PRDM15: variants seen among roughly 807,000 people sequenced by gnomAD.
The protein encoded by PRDM15 is PR/SET domain 15.
PRDM15 carries 64 observed loss-of-function variants against 128.6 expected under a neutral mutation model. That is an observed-to-expected ratio of 0.50 (90% CI 0.41 to 0.61). The LOEUF (loss-of-function observed/expected upper bound fraction) is 0.61, where lower values mean the gene tolerates loss of function less well. Ranked by LOEUF, PRDM15 falls within the 20% of genes least tolerant of loss-of-function variation. The pLI is 0.00. For synonymous variants in PRDM15, 615 were observed against 621.8 expected, an observed-to-expected ratio of 0.99 and a Z score of 0.16; for missense variants, 1,242 against 1,569.1, an observed-to-expected ratio of 0.79 and a Z score of 3.52.
intron 11 of PRDM15, chr21:41,834,431 C>T: frequency 7.2e-7 from 1 of 1,391,956 alleles, no homozygotes; most frequent in Non-Finnish European, 1.0e-6. Flanking sequence ...GGCACCTTAA[C>T]AAGAACAACA....
intron 18 of PRDM15, among the ~76,000 whole-genome samples, chr21:41,818,455 C>CTTT (rs35158361): frequency 9.2e-5 from 14 of 151,370 alleles, no homozygotes; most frequent in Non-Finnish European, 1.5e-4. Flanking sequence ...GCATGCGCTG[C>CTTT]TTTTTTAATA....
chr21:41,855,523 C>T (rs1042923349), intron 4 of PRDM15, among the ~76,000 whole-genome samples: 32 of 152,314 alleles, frequency 2.1e-4, no homozygotes, highest in Admixed American at 1.3e-3. Flanking sequence ...TCTCCAAAGA[C>T]GGAGCCCTTG....
chr21:41,837,292 A>G (rs1457532843), intron 8 of PRDM15, among the ~76,000 whole-genome samples: 1 of 152,272 alleles, frequency 6.6e-6, no homozygotes, highest in Admixed American at 6.5e-5. Flanking sequence ...CAGCGTCACG[A>G]AAGCTAGAAG....
At chr21:41,806,066 TCAC>T (rs1568880283) in intron 21 of PRDM15, among the ~76,000 whole-genome samples, 3 of 7,600 alleles carry the variant, frequency 3.9e-4, no homozygotes, top group Admixed American at 1.5e-3. Context: ...ACCATCACCA[TCAC>T]CACCACCATC....
chr21:41,851,341 C>T (rs983750373), intron 5 of PRDM15, among the ~76,000 whole-genome samples: 3 of 152,254 alleles, frequency 2.0e-5, no homozygotes, highest in African/African-American at 4.8e-5. Flanking sequence ...TATCGAGATA[C>T]TCATTTCTGA....
At chr21:41,874,525 A>ATATATATATATATATTTTTTTT in intron 1 of PRDM15, among the ~76,000 whole-genome samples, 16 of 95,810 alleles carry the variant, frequency 1.7e-4, no homozygotes, top group Non-Finnish European at 2.2e-4. Flanking sequence ...ATATATATAT[A>ATATATATATATATATTTTTTTT]TTTTTTTTTT....
chr21:41,802,635 G>A, intron 23 of PRDM15, 77 bp downstream of exon 23: 2 of 1,156,752 alleles, frequency 1.7e-6, no homozygotes, highest in South Asian at 2.5e-5. Context: ...AAAAGAGATG[G>A]AGTCACACAC....
In PRDM15 at chr21:41,854,004, C is replaced by T. The variant is rs562656601; in HGVS notation, c.538+562G>A. On this transcript the variant is annotated intron_variant, in intron 5 of 23. Coordinates refer to ENST00000398548, the MANE Select transcript of PRDM15 (RefSeq NM_001040424.3). This position sits in a 1 kb window ranked among gnomAD's most constrained non-coding sequence, Gnocchi z 4.6. ...TTAGGAGGATGGGTCACTCACTGCACGTAGCCCCCAGGGCAGAGCTAAGCA... is the reference window on the plus strand; with the variant it reads ...TTAGGAGGATGGGTCACTCACTGCATGTAGCCCCCAGGGCAGAGCTAAGCA... Among the ~76,000 whole-genome samples the T allele has an allele frequency of 1.3e-5, 2 of 152,364 alleles. No individual in the cohort carries two copies. The highest frequency in any genetic ancestry group is 1.9e-4 in the East Asian group (1 of 5,186).
intron 5 of PRDM15, among the ~76,000 whole-genome samples, chr21:41,852,258 G>A (rs2063452214): frequency 1.3e-5 from 2 of 152,262 alleles, no homozygotes; most frequent in Admixed American, 6.5e-5. Flanking sequence ...GGGGGTAAAC[G>A]GCCAAGGCCG....
chr21:41,820,554 C>A (rs2062220241), intron 16 of PRDM15, among the ~76,000 whole-genome samples: 1 of 152,188 alleles, frequency 6.6e-6, no homozygotes, highest in Non-Finnish European at 1.5e-5. Context: ...CATTTAAGGG[C>A]CAAGGAGAGA....
At position 41,859,946 on chromosome 21, in the gene PRDM15, C is replaced by G. The variant is rs1022465871; in HGVS notation, c.38-261G>C. Among the ~76,000 whole-genome samples, 1 of 152,108 alleles carries G rather than the reference C, an allele frequency of 6.6e-6. No individual in the cohort carries two copies. Among genetic ancestry groups the G allele is most frequent in the Non-Finnish European group, 1.5e-5 (1 of 68,008 alleles). On this transcript the variant is annotated intron_variant, in intron 2 of 23. Coordinates refer to ENST00000398548, the MANE Select transcript of PRDM15 (RefSeq NM_001040424.3). This position sits in a 1 kb window ranked among gnomAD's most constrained non-coding sequence, Gnocchi z 5.3. Reference sequence around the variant, plus strand: ...CAGGGAAAGCTCTAGCTCCGCCGCACGCCTCAAATCAAGCACGGTCACCTC... The same window carrying G: ...CAGGGAAAGCTCTAGCTCCGCCGCAGGCCTCAAATCAAGCACGGTCACCTC...
Position 41,859,216 on chromosome 21 carries a change from G to A in PRDM15, c.131+376C>T. 2 of 1,613,764 alleles carry A rather than the reference G, an allele frequency of 1.2e-6. No individual in the cohort carries two copies. Among genetic ancestry groups the A allele is most frequent in the Non-Finnish European group, 8.5e-7 (1 of 1,179,906 alleles). The stretch of plus-strand genomic sequence containing the variant: ...CCGCCTGGGTGTGCACGTGTCCGCT[G>A]GCAGGCCAAGACCTGGAATGCAGAG... On this transcript the variant is annotated intron_variant, in intron 3 of 23. Transcript: ENST00000398548. This position sits in a 1 kb window ranked among gnomAD's most constrained non-coding sequence, Gnocchi z 5.3.
chr21:41,837,196 G>A (rs1411708806), intron 8 of PRDM15, among the ~76,000 whole-genome samples: 1 of 152,128 alleles, frequency 6.6e-6, no homozygotes, highest in Non-Finnish European at 1.5e-5. Flanking sequence ...CAACTCCATG[G>A]TAAAAATGAC....
intron 1 of PRDM15, chr21:41,867,306 C>T (rs544000757): frequency 6.8e-6 from 11 of 1,613,042 alleles, no homozygotes; most frequent in African/African-American, 6.7e-5. Flanking sequence ...TGACCTCCTC[C>T]GTTCGCAATC....
At chr21:41,808,470 G>C (rs926524919) in intron 21 of PRDM15, among the ~76,000 whole-genome samples, 1 of 152,170 alleles carries the variant, frequency 6.6e-6, no homozygotes, top group Non-Finnish European at 1.5e-5. Context: ...CGACGTCCCG[G>C]GTCACCCCCA....
chr21:41,873,493 G>A (rs991049455), intron 1 of PRDM15, among the ~76,000 whole-genome samples: 2 of 152,256 alleles, frequency 1.3e-5, no homozygotes, highest in Admixed American at 6.5e-5. Context: ...CCTCTGTGCA[G>A]CTCTCTACCT....
At chr21:41,878,848 GGC>G (rs1555896194) in intron 1 of PRDM15, 2 of 1,009,210 alleles carry the variant, frequency 2.0e-6, no homozygotes, top group Non-Finnish European at 2.4e-6. Context: ...CGCGGGCCGG[GGC>G]GGCGAAGACC....
intron 1 of PRDM15, among the ~76,000 whole-genome samples, chr21:41,878,327 G>A (rs1281537933): frequency 6.6e-6 from 1 of 152,212 alleles, no homozygotes; most frequent in Admixed American, 6.5e-5. Flanking sequence ...GGACTTGGGG[G>A]TGAGGGGCAA....
At chr21:41,878,679 T>C in intron 1 of PRDM15, 2 of 1,532,884 alleles carry the variant, frequency 1.3e-6, no homozygotes, top group Admixed American at 1.8e-5. Flanking sequence ...GCAGGGGGTC[T>C]GGGAGACCCC....
Sources: allele counts gnomAD v4.1 joint callset (sites outside exome capture counted in the v4.1 genomes callset), GRCh38; gene constraint gnomAD v4.1.1; non-coding constraint Gnocchi (gnomAD v3.1); transcripts MANE v1.5; gene names NCBI Gene and HGNC (gene_info 2026-07-23, HGNC 2026-07-21).